The following RARB variants were observed in gnomAD, a reference collection of about 807,000 sequenced individuals.
RARB encodes retinoic acid receptor beta, also known as HBV-activated protein.
Under a neutral mutation model 51.9 loss-of-function variants are expected in RARB, and 17 were observed. That is an observed-to-expected ratio of 0.33 (90% CI 0.22 to 0.49). RARB has a LOEUF of 0.49. RARB is among the 20% of genes least tolerant of loss of function. RARB has a pLI of 0.99. For synonymous variants in RARB, 215 were observed against 195.4 expected, an observed-to-expected ratio of 1.10 and a Z score of -0.84; for missense variants, 369 against 550.8, an observed-to-expected ratio of 0.67 and a Z score of 3.30.
At chr3:25,104,603 C>T (rs1353625921) in intron 3 of RARB, among the ~76,000 whole-genome samples, 1 of 152,044 alleles carries the variant, frequency 6.6e-6, no homozygotes, top group Non-Finnish European at 1.5e-5. Context: ...GAGATTGTGC[C>T]ACTGCACTCC....
intron 5 of RARB, among the ~76,000 whole-genome samples, chr3:25,591,084 C>G (rs1701592479): frequency 6.6e-6 from 1 of 152,192 alleles, no homozygotes; most frequent in South Asian, 2.1e-4. Context: ...GTGGAAATGG[C>G]TGGGCTAGCT....
At chr3:25,332,390 T>C (rs1461528214) in intron 5 of RARB, among the ~76,000 whole-genome samples, 1 of 152,182 alleles carries the variant, frequency 6.6e-6, no homozygotes, top group African/African-American at 2.4e-5. Context: ...TCAATAAACG[T>C]AATCCAGCAT....
At chr3:25,103,025 C>T (rs911149166) in intron 3 of RARB, among the ~76,000 whole-genome samples, 2 of 152,128 alleles carry the variant, frequency 1.3e-5, no homozygotes, top group Non-Finnish European at 2.9e-5. Flanking sequence ...ACTAGAACTG[C>T]TAGACTAGAG....
At chr3:25,335,025 A>T (rs893607428) in intron 5 of RARB, among the ~76,000 whole-genome samples, 1 of 152,130 alleles carries the variant, frequency 6.6e-6, no homozygotes, top group African/African-American at 2.4e-5. Context: ...AGGAGTCAAG[A>T]GCATGGGCTC....
intron 1 of RARB, among the ~76,000 whole-genome samples, chr3:25,435,425 C>T (rs1012340363): frequency 1.9e-4 from 29 of 152,134 alleles, no homozygotes; most frequent in Middle Eastern, 3.2e-3. Flanking sequence ...AAGCTTTCAA[C>T]GGCTACAGTA....
chr3:25,554,586 G>C (rs1207790070), intron 3 of RARB, among the ~76,000 whole-genome samples: 1 of 152,166 alleles, frequency 6.6e-6, no homozygotes, highest in Non-Finnish European at 1.5e-5. Context: ...TCCTGGGCTA[G>C]ACTGTGACTC....
At chr3:25,089,635 AT>A (rs1412449443) in intron 3 of RARB, among the ~76,000 whole-genome samples, 5 of 152,116 alleles carry the variant, frequency 3.3e-5, no homozygotes, top group African/African-American at 1.2e-4. Flanking sequence ...TCATGCGCCT[AT>A]TGATAGAGAC....
intron 2 of RARB, among the ~76,000 whole-genome samples, chr3:24,898,202 A>T (rs757151841): frequency 6.6e-6 from 1 of 152,134 alleles, no homozygotes; most frequent in Non-Finnish European, 1.5e-5. Flanking sequence ...TCACGTGATT[A>T]GGGCATTGCT....
intron 5 of RARB, among the ~76,000 whole-genome samples, chr3:25,204,891 C>T (rs1395129076): frequency 3.3e-5 from 5 of 152,226 alleles, no homozygotes; most frequent in Non-Finnish European, 7.3e-5. Flanking sequence ...CTTGAGGAGG[C>T]AGCCTGTTCA....
At chr3:25,143,692 A>G (rs1028236719) in intron 4 of RARB, among the ~76,000 whole-genome samples, 2 of 152,212 alleles carry the variant, frequency 1.3e-5, no homozygotes, top group African/African-American at 2.4e-5. Context: ...CTTAGAAGCA[A>G]TGTAACTCAG....
At chr3:25,083,285 C>T (rs906496579) in intron 3 of RARB, among the ~76,000 whole-genome samples, 1 of 152,096 alleles carries the variant, frequency 6.6e-6, no homozygotes, top group Non-Finnish European at 1.5e-5. Flanking sequence ...ATCCTAATTG[C>T]ATGTATGGTA....
chr3:25,146,952 T>C (rs60382621), intron 4 of RARB, among the ~76,000 whole-genome samples: 5,517 of 152,236 alleles, frequency 0.036, 321 homozygotes, highest in African/African-American at 0.12. Flanking sequence ...ATGGTAGACT[T>C]GCCAGAAATG....
chr3:24,899,840 A>C (rs1425602537), intron 2 of RARB, among the ~76,000 whole-genome samples: 1 of 152,160 alleles, frequency 6.6e-6, no homozygotes, highest in Non-Finnish European at 1.5e-5. Flanking sequence ...TCACCTCTTA[A>C]TGGTTCCATT....
At chr3:24,995,332 T>A (rs1696999062) in intron 2 of RARB, among the ~76,000 whole-genome samples, 1 of 152,056 alleles carries the variant, frequency 6.6e-6, no homozygotes, top group South Asian at 2.1e-4. Flanking sequence ...GTGTGTTCAT[T>A]TTGCATTCTG....
chr3:24,923,080 T>C (rs1198156360), intron 2 of RARB, among the ~76,000 whole-genome samples: 3 of 152,138 alleles, frequency 2.0e-5, no homozygotes, highest in Non-Finnish European at 4.4e-5. Flanking sequence ...ACAATAGAAA[T>C]ATTCAGACAA....
At chr3:25,030,092 G>A (rs1697836880) in intron 2 of RARB, among the ~76,000 whole-genome samples, 1 of 152,206 alleles carries the variant, frequency 6.6e-6, no homozygotes, top group African/African-American at 2.4e-5. Context: ...GAGTCATGCA[G>A]GGTGATCAAG....
intron 5 of RARB, among the ~76,000 whole-genome samples, chr3:25,291,474 T>A (rs1703785781): frequency 7.0e-6 from 1 of 143,874 alleles, no homozygotes; most frequent in African/African-American, 2.6e-5. Flanking sequence ...GCCAGATGTT[T>A]GCTTTTTTTT....
chr3:25,251,687 A>G (rs895712035), intron 5 of RARB, among the ~76,000 whole-genome samples: 23 of 152,140 alleles, frequency 1.5e-4, no homozygotes, highest in African/African-American at 5.1e-4. Context: ...TCAAATACTT[A>G]GCCCATTTTT....
intron 5 of RARB, among the ~76,000 whole-genome samples, chr3:25,385,997 G>A (rs927824830): frequency 1.8e-4 from 28 of 152,282 alleles, no homozygotes; most frequent in African/African-American, 3.4e-4. Context: ...CCGTCAGTCC[G>A]TGAGCTTACC....
Sources: gnomAD v4.1 joint callset for allele counts (sites outside exome capture counted in the v4.1 genomes callset) on GRCh38, gnomAD v4.1.1 for gene constraint, MANE v1.5 for transcripts, NCBI Gene and HGNC (gene_info 2026-07-23, HGNC 2026-07-21) for gene names.